The following GFRA1 variants were observed in gnomAD, a reference collection of about 807,000 sequenced individuals.
The protein encoded by GFRA1 is GDNF family receptor alpha-1.
Under a neutral mutation model 51.6 loss-of-function variants are expected in GFRA1, and 16 were observed. That is an observed-to-expected ratio of 0.31 (90% confidence interval 0.21 to 0.47). The LOEUF (loss-of-function observed/expected upper bound fraction) is 0.47. Among genes scored for constraint, GFRA1 ranks in the 20% least tolerant of loss-of-function variants. The probability of loss-of-function intolerance (pLI) is 1.00; values close to 1 mark genes in which losing one functional copy is unlikely to be tolerated. For synonymous variants in GFRA1, 270 were observed against 241.3 expected, an observed-to-expected ratio of 1.12 and a Z score of -1.10; for missense variants, 530 against 594.3, an observed-to-expected ratio of 0.89 and a Z score of 1.13.
intron 5 of GFRA1, among the ~76,000 whole-genome samples, chr10:116,195,333 T>C (rs904870549): frequency 1.3e-5 from 2 of 152,178 alleles, no homozygotes; most frequent in African/African-American, 2.4e-5. Flanking sequence ...TCACAGCCTT[T>C]TAATATCTGC....
intron 9 of GFRA1, among the ~76,000 whole-genome samples, chr10:116,086,447 G>C (rs1469148564): frequency 6.6e-6 from 1 of 152,234 alleles, no homozygotes; most frequent in African/African-American, 2.4e-5. Context: ...TGCTTTGTAG[G>C]TGAGGAAGCT....
intron 4 of GFRA1, among the ~76,000 whole-genome samples, chr10:116,217,643 T>C (rs758010738): frequency 6.6e-6 from 1 of 152,178 alleles, no homozygotes; most frequent in Admixed American, 6.5e-5. Context: ...TAATAAGCAA[T>C]AGAAACAGGG....
At chr10:116,117,548 G>T (rs1589802012) in intron 6 of GFRA1, among the ~76,000 whole-genome samples, 1 of 121,270 alleles carries the variant, frequency 8.2e-6, no homozygotes, top group African/African-American at 3.5e-5. Context: ...TGGGTGGGTG[G>T]GTGGGTGTGT....
chr10:116,272,228 C>G lies in GFRA1; in HGVS notation c.-199G>C. The G allele has an allele frequency of 1.6e-6, 1 of 622,722 alleles. No homozygotes were observed. The highest frequency in any genetic ancestry group is 2.9e-6 in the Non-Finnish European group (1 of 349,768). The allele number at this position is 622,722 out of a possible 1,614,324, so 38.6% of individuals were successfully genotyped here. A position where few individuals can be genotyped will look rare whatever the true frequency, so the allele number is the denominator to read the frequency against. On this transcript the variant is annotated 5_prime_UTR_variant, in exon 2 of 11. Coordinates refer to ENST00000355422, the MANE Select transcript of GFRA1 (RefSeq NM_005264.8). The surrounding 1 kb of genome is among the most constrained non-coding windows in gnomAD (Gnocchi z 4.4). ...CGCCGGCGACTCAGCTCCGGGATGG[C>G]GAGGGCGGGAGGCGGTTCCGCTTTT...
At chr10:116,091,028 G>C (rs750936400) in intron 8 of GFRA1, among the ~76,000 whole-genome samples, 1 of 152,168 alleles carries the variant, frequency 6.6e-6, no homozygotes, top group Non-Finnish European at 1.5e-5. Flanking sequence ...TAACTGGTGA[G>C]TGTGAGGCAG....
intron 5 of GFRA1, among the ~76,000 whole-genome samples, chr10:116,210,883 C>G (rs1271379226): frequency 1.3e-5 from 2 of 152,188 alleles, no homozygotes; most frequent in Non-Finnish European, 1.5e-5. Flanking sequence ...TACTTTTACC[C>G]AGTAGTGTCA....
At chr10:116,158,700 G>T (rs754738279) in intron 5 of GFRA1, among the ~76,000 whole-genome samples, 1 of 152,200 alleles carries the variant, frequency 6.6e-6, no homozygotes, top group Non-Finnish European at 1.5e-5. Context: ...CCACAAACAA[G>T]GAAGTCCGGG....
At chr10:116,087,229 T>C (rs546034067) in intron 9 of GFRA1, among the ~76,000 whole-genome samples, 31 of 151,468 alleles carry the variant, frequency 2.0e-4, no homozygotes, top group Non-Finnish European at 3.7e-4. Flanking sequence ...CAAAGCCACA[T>C]ACTGCACTGT....
At chr10:116,244,409 A>T (rs1042976894) in intron 4 of GFRA1, among the ~76,000 whole-genome samples, 4 of 147,116 alleles carry the variant, frequency 2.7e-5, no homozygotes, top group Admixed American at 6.8e-5. Context: ...TAATAATTAA[A>T]ATTTAATTTT....
intron 6 of GFRA1, among the ~76,000 whole-genome samples, chr10:116,096,970 T>A (rs1415260768): frequency 6.6e-6 from 1 of 152,100 alleles, no homozygotes; most frequent in South Asian, 2.1e-4. Context: ...AACCCCCTCA[T>A]GTCCCTTTCC....
At chr10:116,252,995 A>C (rs2134706621) in intron 4 of GFRA1, among the ~76,000 whole-genome samples, 1 of 152,342 alleles carries the variant, frequency 6.6e-6, no homozygotes, top group South Asian at 2.1e-4. Context: ...TAAGGTTCTA[A>C]TGTGCCTCTT....
At chr10:116,096,350 G>C (rs1193586156) in intron 7 of GFRA1, among the ~76,000 whole-genome samples, 2 of 151,856 alleles carry the variant, frequency 1.3e-5, no homozygotes, top group East Asian at 3.9e-4. Flanking sequence ...TTTTCTCTCT[G>C]CTTTTGTTCT....
intron 5 of GFRA1, among the ~76,000 whole-genome samples, chr10:116,150,964 T>C (rs1959039291): frequency 6.6e-6 from 1 of 152,148 alleles, no homozygotes; most frequent in Non-Finnish European, 1.5e-5. Flanking sequence ...TCAAAGAGCA[T>C]GTTTATGTAG....
intron 4 of GFRA1, among the ~76,000 whole-genome samples, chr10:116,217,760 G>A (rs1965658252): frequency 6.6e-6 from 1 of 152,142 alleles, no homozygotes; most frequent in Non-Finnish European, 1.5e-5. Context: ...TCAGCAACAT[G>A]CCAGTAACAA....
chr10:116,079,280 C>G (rs1955748801), intron 9 of GFRA1, among the ~76,000 whole-genome samples: 2 of 152,076 alleles, frequency 1.3e-5, no homozygotes, highest in Non-Finnish European at 2.9e-5. Context: ...GTTGCTTAAG[C>G]CGCCCAGTCT....
chr10:116,121,764 C>A (rs1222249375), intron 6 of GFRA1, among the ~76,000 whole-genome samples: 3 of 152,116 alleles, frequency 2.0e-5, no homozygotes, highest in Admixed American at 1.3e-4. Context: ...TCAAATGAGA[C>A]CTCAAGTCAT....
chr10:116,152,713 G>A (rs950349047), intron 5 of GFRA1, among the ~76,000 whole-genome samples: 48 of 152,312 alleles, frequency 3.2e-4, no homozygotes, highest in African/African-American at 1.2e-3. Flanking sequence ...AGTTGGGTAT[G>A]CTCCGATTTA....
intron 5 of GFRA1, among the ~76,000 whole-genome samples, chr10:116,168,325 C>T (rs942975350): frequency 6.6e-6 from 1 of 152,194 alleles, no homozygotes; most frequent in Non-Finnish European, 1.5e-5. Flanking sequence ...TGCCCTCTCC[C>T]GCTACCATGT....
chr10:116,163,989 T>C (rs1960114631), intron 5 of GFRA1, among the ~76,000 whole-genome samples: 1 of 152,176 alleles, frequency 6.6e-6, no homozygotes, highest in Non-Finnish European at 1.5e-5. Flanking sequence ...ATCGAACCCC[T>C]TGGTGCTTCC....
Sources: allele counts gnomAD v4.1 joint callset (sites outside exome capture counted in the v4.1 genomes callset), GRCh38; gene constraint gnomAD v4.1.1; non-coding constraint Gnocchi (gnomAD v3.1); transcripts MANE v1.5; gene names NCBI Gene and HGNC (gene_info 2026-07-23, HGNC 2026-07-21).